Variants in E2F7 observed in about 807,000 individuals in gnomAD.
E2F7 encodes transcription factor E2F7.
A neutral mutation model predicts 81.1 loss-of-function variants in E2F7; 35 were observed. The observed-to-expected ratio is 0.43, with a 90% CI of 0.33 to 0.57. The LOEUF (loss-of-function observed/expected upper bound fraction) is 0.57, where lower values mean the gene tolerates loss of function less well. E2F7 is among the 20% of genes least tolerant of loss of function. E2F7 has a pLI of 0.04. For synonymous variants in E2F7, 416 were observed against 416.2 expected (o/e 1.00, Z 0.01); for missense variants, 961 against 1,093.7 (o/e 0.88, Z 1.71).
intron 7 of E2F7, among the ~76,000 whole-genome samples, chr12:77,039,033 C>A (rs1316053788): frequency 1.3e-5 from 2 of 152,184 alleles, no homozygotes; most frequent in Non-Finnish European, 2.9e-5. Flanking sequence ...CAGATCAATG[C>A]AGCAGTTTGG....
intron 12 of E2F7, among the ~76,000 whole-genome samples, chr12:77,024,899 CTG>C (rs1206879021): frequency 3.3e-5 from 5 of 152,150 alleles, no homozygotes; most frequent in African/African-American, 1.2e-4. Flanking sequence ...TAAGTAATCA[CTG>C]TGAACAACCT....
Position 77,023,979 on chromosome 12 carries a change from G to C in E2F7, c.*36C>G, listed in dbSNP as rs1954735705. 2 of 1,606,452 alleles carry C rather than the reference G, an allele frequency of 1.2e-6. No homozygotes were observed. The highest frequency in any genetic ancestry group is 2.2e-5 in the South Asian group (2 of 90,272). ...GCCTCGGACATCCGGGACTCTCAGG[G>C]CGTTTGATCCCACCCCCACCTGGCA... On this transcript the variant is annotated 3_prime_UTR_variant, in exon 13 of 13. Coordinates refer to ENST00000322886, the MANE Select transcript of E2F7 (RefSeq NM_203394.3).
intron 10 of E2F7, among the ~76,000 whole-genome samples, chr12:77,029,345 AC>A (rs1419091765): frequency 6.6e-6 from 1 of 152,174 alleles, no homozygotes. Flanking sequence ...GACAGCTCAT[AC>A]TTTTGTTCTT....
At chr12:77,043,409 C>A (rs950325169) in intron 6 of E2F7, among the ~76,000 whole-genome samples, 8 of 152,038 alleles carry the variant, frequency 5.3e-5, no homozygotes, top group Admixed American at 5.2e-4. Context: ...GTGTGTCCTT[C>A]CATTTCCACA....
intron 6 of E2F7, chr12:77,044,197 C>A: frequency 2.3e-6 from 1 of 429,898 alleles, no homozygotes; most frequent in Non-Finnish European, 4.7e-6. Flanking sequence ...AAACTCTCTC[C>A]CTGTCCATGT....
chr12:77,030,780 G>A (rs984958352), intron 9 of E2F7, among the ~76,000 whole-genome samples: 5 of 152,118 alleles, frequency 3.3e-5, no homozygotes, highest in Non-Finnish European at 5.9e-5. Flanking sequence ...ACCCTGCCTC[G>A]GGTGAGCCAG....
At chr12:77,043,249 CAGTTT>C (rs1391793108) in intron 6 of E2F7, 50 bp from the exon 7 acceptor site, 2 of 1,608,968 alleles carry the variant, frequency 1.2e-6, no homozygotes, top group East Asian at 4.5e-5. Context: ...GACACCATGA[CAGTTT>C]AGTTTATGTG....
chr12:77,033,649 G>A (rs1954823923), intron 8 of E2F7, among the ~76,000 whole-genome samples: 1 of 152,244 alleles, frequency 6.6e-6, no homozygotes, highest in South Asian at 2.1e-4. Flanking sequence ...TTTTAGGCAA[G>A]GGGTCATGTT....
chr12:77,030,334 TA>T lies in E2F7; in HGVS notation c.1383-3del. ...CTCTTACTGGCAAAGGCTTTTCCCC[TA>T]TAATAAAAAAGAAACGTAACGAAGT... is the stretch of plus-strand genomic sequence containing the variant. On this transcript the variant is annotated splice_region_variant and splice_polypyrimidine_tract_variant and intron_variant, in intron 9 of 12. Coordinates refer to ENST00000322886, the MANE Select transcript of E2F7 (RefSeq NM_203394.3). The T allele has an allele frequency of 6.6e-7, 1 of 1,524,956 alleles. No individual in the cohort carries two copies. Among genetic ancestry groups the T allele is most frequent in the Non-Finnish European group, 8.8e-7 (1 of 1,137,740 alleles). 94.5% of individuals were successfully genotyped at this position (1,524,956 alleles called of 1,614,324 possible). A position where few individuals can be genotyped will look rare whatever the true frequency, so the allele number is the denominator to read the frequency against.
At chr12:77,050,513 C>G in intron 4 of E2F7, 63 bp downstream of exon 4, 1 of 1,576,366 alleles carries the variant, frequency 6.3e-7, no homozygotes, top group Non-Finnish European at 8.7e-7. Flanking sequence ...TTCAGCCTGC[C>G]CAAGGAAACC....
chr12:77,045,836 A>C, intron 5 of E2F7: 1 of 622,378 alleles, frequency 1.6e-6, no homozygotes, highest in Non-Finnish European at 2.7e-6. Context: ...GTGAACTGCC[A>C]TGAGCCAGGT....
At position 77,046,173 on chromosome 12, in the gene E2F7, C is replaced by T. The variant is rs1378275288; in HGVS notation, c.694G>A (p.Glu232Lys). ...TGTTGGAGGTAGGCCATTTGCTCTT[C>T]ATATTTCTGCTCCTCTCCTAGTCTC... ...LQRLGEEQKY[E>K]EQMAYLQQKE... The change falls in exon 5 of 13, where the codon GAA becomes AAA. Residue 232 changes from glutamate (E) to lysine (K), a missense_variant. Transcript: ENST00000322886. 2 of 1,614,190 alleles carry T rather than the reference C, an allele frequency of 1.2e-6. No homozygotes were observed. Among genetic ancestry groups the T allele is most frequent in the Non-Finnish European group, 1.7e-6 (2 of 1,180,030 alleles).
chr12:77,030,255 G>C lies in E2F7; in HGVS notation c.1460C>G (p.Ser487Cys). ...LDPVAPFPVLSVDPEYCVNPL... is the reference protein window; with the variant it reads ...LDPVAPFPVLCVDPEYCVNPL... ...ATTAACACAATATTCTGGGTCAACA[G>C]AGAGGACAGGGAAAGGAGCAACAGG... Residue 487 changes from serine (S) to cysteine (C), a missense_variant, in exon 10 of 13, where the codon TCT becomes TGT. Ser to Cys is a moderately radical substitution (Grantham distance 112). This residue lies in a region of E2F7 where 587 missense variants were observed against 620.3 expected (regional missense o/e 0.95). Transcript: ENST00000322886. 4 of 1,611,594 alleles carry C rather than the reference G, an allele frequency of 2.5e-6. No individual in the cohort carries two copies. The East Asian group carries it at 8.9e-5, about 36-fold the overall frequency.
At chr12:77,043,231 C>T in intron 6 of E2F7, 32 bp from the exon 7 acceptor site, 1 of 1,613,210 alleles carries the variant, frequency 6.2e-7, no homozygotes, top group South Asian at 1.1e-5. Context: ...TACGGTCATG[C>T]TGCCTGTGAC....
intron 4 of E2F7, among the ~76,000 whole-genome samples, chr12:77,047,463 C>T (rs1036445964): frequency 2.6e-5 from 4 of 152,206 alleles, no homozygotes; most frequent in Admixed American, 6.5e-5. Flanking sequence ...AAAAATCTCA[C>T]GTCTGTGACT....
At chr12:77,054,565 T>G (rs1194093840) in intron 3 of E2F7, among the ~76,000 whole-genome samples, 1 of 152,146 alleles carries the variant, frequency 6.6e-6, no homozygotes, top group African/African-American at 2.4e-5. Flanking sequence ...TTTTAGGCAT[T>G]TACTTCCTAC....
chr12:77,040,531 G>A (rs1393252436), intron 7 of E2F7, among the ~76,000 whole-genome samples: 1 of 152,188 alleles, frequency 6.6e-6, no homozygotes, highest in Non-Finnish European at 1.5e-5. Flanking sequence ...ACCGACTTTG[G>A]AGTTAAAAGT....
intron 4 of E2F7, among the ~76,000 whole-genome samples, chr12:77,048,312 A>G (rs1954959923): frequency 6.6e-6 from 1 of 152,094 alleles, no homozygotes. Flanking sequence ...TTTCTTTTGT[A>G]TTGAGGTCAT....
intron 12 of E2F7, 135 bp from the exon 13 acceptor site, chr12:77,024,320 C>T: frequency 1.1e-6 from 1 of 951,212 alleles, no homozygotes; most frequent in Non-Finnish European, 1.5e-6. Flanking sequence ...TCTTATCACA[C>T]TTACCCCGTT....
Sources: allele counts gnomAD v4.1 joint callset (sites outside exome capture counted in the v4.1 genomes callset), GRCh38; gene constraint gnomAD v4.1.1; regional missense constraint gnomAD v4.1.1; transcripts MANE v1.5; gene names NCBI Gene and HGNC (gene_info 2026-07-23, HGNC 2026-07-21).